PABPC4L: variants seen among roughly 807,000 people sequenced by gnomAD.
The protein encoded by PABPC4L is polyadenylate-binding protein 4-like.
For missense variants in PABPC4L, 452 were observed against 451.4 expected, an observed-to-expected ratio of 1.00 and a Z score of -0.01; for synonymous variants, 169 against 164.1, an observed-to-expected ratio of 1.03 and a Z score of -0.23.
the PABPC4L span, among the ~76,000 whole-genome samples, chr4:134,178,222 A>G: frequency 6.6e-6 from 1 of 152,094 alleles, no homozygotes; most frequent in African/African-American, 2.4e-5. Context: ...CACGAAGCAG[A>G]ACACCCCACA....
chr4:134,191,974 A>T (rs1001311859), downstream of PABPC4L, among the ~76,000 whole-genome samples: 1 of 152,120 alleles, frequency 6.6e-6, no homozygotes, highest in Non-Finnish European at 1.5e-5. Context: ...TTTTGAGAAG[A>T]TGAATAAAAT....
chr4:134,007,034 T>C, the PABPC4L span, among the ~76,000 whole-genome samples: 4 of 151,816 alleles, frequency 2.6e-5, no homozygotes, highest in Non-Finnish European at 5.9e-5. Flanking sequence ...CTCCAAAATA[T>C]ACAAGCAGCA....
the PABPC4L span, among the ~76,000 whole-genome samples, chr4:134,007,068 A>C: frequency 6.6e-6 from 1 of 151,860 alleles, no homozygotes; most frequent in Admixed American, 6.6e-5. Flanking sequence ...TTTGGAATAG[A>C]TAAGATTTTT....
the PABPC4L span, among the ~76,000 whole-genome samples, chr4:133,990,674 G>A: frequency 6.6e-6 from 1 of 152,294 alleles, no homozygotes; most frequent in East Asian, 1.9e-4. Flanking sequence ...CATTTATTTA[G>A]TACAGATTTA....
the PABPC4L span, among the ~76,000 whole-genome samples, chr4:134,113,608 C>T: frequency 6.6e-6 from 1 of 151,824 alleles, no homozygotes; most frequent in Admixed American, 6.6e-5. Flanking sequence ...TTTCTCACAA[C>T]CTATCCCCAC....
the PABPC4L span, among the ~76,000 whole-genome samples, chr4:133,980,169 A>G: frequency 6.6e-6 from 1 of 152,212 alleles, no homozygotes; most frequent in South Asian, 2.1e-4. Context: ...AGTGTCTTAT[A>G]GTCAGTAGAC....
At chr4:133,997,681 C>T in the PABPC4L span, among the ~76,000 whole-genome samples, 1 of 152,056 alleles carries the variant, frequency 6.6e-6, no homozygotes, top group Non-Finnish European at 1.5e-5. Flanking sequence ...AAGTTGATTT[C>T]AACTCTCATG....
chr4:134,023,824 A>G, the PABPC4L span, among the ~76,000 whole-genome samples: 1 of 152,060 alleles, frequency 6.6e-6, no homozygotes, highest in Non-Finnish European at 1.5e-5. Flanking sequence ...CTCCTTATAA[A>G]GCTTGTAACT....
the PABPC4L span, among the ~76,000 whole-genome samples, chr4:134,188,865 T>A: frequency 6.6e-6 from 1 of 152,204 alleles, no homozygotes; most frequent in South Asian, 2.1e-4. Context: ...AAAATTCTTG[T>A]CATTATTGTT....
the PABPC4L span, among the ~76,000 whole-genome samples, chr4:134,141,291 G>T: frequency 8.0e-3 from 1,205 of 151,258 alleles, 16 homozygotes; most frequent in African/African-American, 0.027. Flanking sequence ...AATGTATCTG[G>T]TAGAAAAGAG....
the PABPC4L span, among the ~76,000 whole-genome samples, chr4:134,153,109 T>A: frequency 2.0e-5 from 3 of 152,166 alleles, no homozygotes; most frequent in Admixed American, 6.5e-5. Context: ...GGGATCACAT[T>A]TGAGAGTGAT....
the PABPC4L span, among the ~76,000 whole-genome samples, chr4:134,111,861 G>A: frequency 6.6e-6 from 1 of 151,968 alleles, no homozygotes; most frequent in African/African-American, 2.4e-5. Flanking sequence ...CCAGTCTCTG[G>A]TGTGTCTTTG....
the PABPC4L span, among the ~76,000 whole-genome samples, chr4:133,948,647 G>A: frequency 6.6e-6 from 1 of 152,172 alleles, no homozygotes; most frequent in Non-Finnish European, 1.5e-5. Flanking sequence ...ATTTCCCCAT[G>A]CATTCCTGTC....
chr4:134,152,647 C>G, the PABPC4L span, among the ~76,000 whole-genome samples: 2 of 152,180 alleles, frequency 1.3e-5, no homozygotes, highest in African/African-American at 4.8e-5. Flanking sequence ...CAACCTCTCC[C>G]CATTGCCCAG....
At chr4:134,084,655 A>G in the PABPC4L span, among the ~76,000 whole-genome samples, 1 of 152,186 alleles carries the variant, frequency 6.6e-6, no homozygotes, top group Non-Finnish European at 1.5e-5. Context: ...ATGCAAATGC[A>G]ATGGAATAAA....
the PABPC4L span, among the ~76,000 whole-genome samples, chr4:134,113,071 T>G: frequency 6.6e-6 from 1 of 151,904 alleles, no homozygotes; most frequent in Non-Finnish European, 1.5e-5. Context: ...ATTTATAGAA[T>G]AAGGATATAA....
chr4:134,164,284 AAAAAAAAAT>A, the PABPC4L span, among the ~76,000 whole-genome samples: 1 of 149,290 alleles, frequency 6.7e-6, no homozygotes, highest in African/African-American at 2.5e-5. Flanking sequence ...AAAAAAAAAA[AAAAAAAAAT>A]AGAAGTCCTG....
At chr4:133,986,766 TA>T in the PABPC4L span, among the ~76,000 whole-genome samples, 2 of 151,768 alleles carry the variant, frequency 1.3e-5, no homozygotes, top group Admixed American at 1.3e-4. Context: ...GAGGGAGTCT[TA>T]CTCTGTCACC....
At chr4:134,180,061 C>G in the PABPC4L span, among the ~76,000 whole-genome samples, 8 of 152,074 alleles carry the variant, frequency 5.3e-5, no homozygotes, top group Non-Finnish European at 8.8e-5. Flanking sequence ...TACACATCAA[C>G]AGGACTCTTC....
Sources: gnomAD v4.1 joint callset for allele counts (sites outside exome capture counted in the v4.1 genomes callset) on GRCh38, gnomAD v4.1.1 for gene constraint, MANE v1.5 for transcripts, NCBI Gene and HGNC (gene_info 2026-07-23, HGNC 2026-07-21) for gene names.